HS3ST5: variants seen among roughly 807,000 people sequenced by gnomAD.
The protein encoded by HS3ST5 is heparan sulfate-glucosamine 3-sulfotransferase 5.
HS3ST5 carries 10 observed loss-of-function variants against 25.4 expected under a neutral mutation model. The ratio of observed to expected loss-of-function variants is 0.39; its 90% CI spans 0.24 to 0.67. The LOEUF is 0.67. Among genes scored for constraint, HS3ST5 ranks in the 30% least tolerant of loss-of-function variants. The pLI is 0.44. For synonymous variants in HS3ST5, 170 were observed against 162.4 expected, an observed-to-expected ratio of 1.05 and a Z score of -0.36; for missense variants, 324 against 420.7, an observed-to-expected ratio of 0.77 and a Z score of 2.01.
At chr6:114,102,059 G>A (rs1023955149) in intron 3 of HS3ST5, among the ~76,000 whole-genome samples, 86 of 152,226 alleles carry the variant, frequency 5.6e-4, no homozygotes, top group African/African-American at 1.9e-3. Flanking sequence ...GAGGGTGAAG[G>A]ATGGGAGAAG....
intron 1 of HS3ST5, among the ~76,000 whole-genome samples, chr6:114,234,066 G>A (rs936008340): frequency 6.6e-6 from 1 of 152,052 alleles, no homozygotes; most frequent in Non-Finnish European, 1.5e-5. Flanking sequence ...GGCAGAATTG[G>A]GATTGAAGAG....
At chr6:114,314,162 A>C (rs1775656863) in intron 1 of HS3ST5, among the ~76,000 whole-genome samples, 1 of 152,170 alleles carries the variant, frequency 6.6e-6, no homozygotes, top group Non-Finnish European at 1.5e-5. Context: ...TCCTGGCCTC[A>C]AGTGATCCAC....
At chr6:114,132,014 A>T (rs1348080559) in intron 3 of HS3ST5, 1 of 152,138 alleles carries the variant, frequency 6.6e-6, no homozygotes, top group Non-Finnish European at 1.5e-5. Flanking sequence ...TTGTTATCTT[A>T]TTTGCACCCT....
intron 3 of HS3ST5, among the ~76,000 whole-genome samples, chr6:114,123,435 T>C (rs1339780474): frequency 2.6e-5 from 4 of 152,140 alleles, no homozygotes; most frequent in Admixed American, 2.6e-4. Flanking sequence ...GACTAAAAAC[T>C]GAACAAAGTA....
chr6:114,093,572 A>G (rs1451200821), intron 3 of HS3ST5, among the ~76,000 whole-genome samples: 2 of 151,542 alleles, frequency 1.3e-5, no homozygotes, highest in Non-Finnish European at 2.9e-5. Flanking sequence ...TTGCCTTCTG[A>G]GTTCTGTTAT....
At chr6:114,148,068 C>T (rs1049219343) in intron 3 of HS3ST5, among the ~76,000 whole-genome samples, 21 of 152,238 alleles carry the variant, frequency 1.4e-4, no homozygotes, top group Admixed American at 6.5e-5. Flanking sequence ...TTTTTCTAGA[C>T]ATTATAAATT....
intron 3 of HS3ST5, among the ~76,000 whole-genome samples, chr6:114,069,514 GA>G (rs1449670582): frequency 6.8e-6 from 1 of 146,038 alleles, no homozygotes; most frequent in African/African-American, 2.5e-5. Flanking sequence ...TTACATGGGA[GA>G]ATTTTTTTTT....
At chr6:114,243,240 G>A (rs1772223687) in intron 1 of HS3ST5, among the ~76,000 whole-genome samples, 1 of 152,170 alleles carries the variant, frequency 6.6e-6, no homozygotes, top group Non-Finnish European at 1.5e-5. Flanking sequence ...GCATATTATT[G>A]TATGTTGCGG....
At chr6:114,061,173 TG>T (rs1354117270) in intron 4 of HS3ST5, among the ~76,000 whole-genome samples, 1 of 152,238 alleles carries the variant, frequency 6.6e-6, no homozygotes, top group African/African-American at 2.4e-5. Flanking sequence ...AATGCATTAG[TG>T]ATCATTAGAT....
At chr6:114,216,489 A>G (rs1482076955) in intron 2 of HS3ST5, among the ~76,000 whole-genome samples, 1 of 152,176 alleles carries the variant, frequency 6.6e-6, no homozygotes, top group Non-Finnish European at 1.5e-5. Context: ...TAAAAGAACA[A>G]TTCCACTCAT....
chr6:114,104,885 T>C (rs927025282), intron 3 of HS3ST5, among the ~76,000 whole-genome samples: 3 of 152,308 alleles, frequency 2.0e-5, no homozygotes, highest in African/African-American at 4.8e-5. Context: ...ACTTAAAACT[T>C]TGACAGATTT....
At chr6:114,153,363 A>G (rs999157717) in intron 3 of HS3ST5, among the ~76,000 whole-genome samples, 10 of 152,070 alleles carry the variant, frequency 6.6e-5, no homozygotes, top group Admixed American at 3.9e-4. Context: ...AAATATTTAC[A>G]TGTTCTATTG....
rs118175414 is a variant in HS3ST5 at position 114,194,077 on chromosome 6, A to G, written c.-144-25615T>C. On this transcript the variant is annotated intron_variant, in intron 2 of 4. Coordinates refer to ENST00000312719, the MANE Select transcript of HS3ST5 (RefSeq NM_153612.4). ...GTATTCATCAAGATACATGAAGTTT[A>G]TCTTTTGAAGAGAAGAGAATCATAT... Among the ~76,000 whole-genome samples, 55 of 152,238 alleles carry G rather than the reference A, an allele frequency of 3.6e-4. No individual in the cohort carries two copies. The East Asian group carries it at 9.5e-3, about 26-fold the overall frequency.
intron 1 of HS3ST5, among the ~76,000 whole-genome samples, chr6:114,283,654 T>C (rs1361479766): frequency 6.6e-6 from 1 of 151,806 alleles, no homozygotes; most frequent in East Asian, 2.0e-4. Flanking sequence ...CTTCCATTCC[T>C]ACACAGTGAA....
chr6:114,174,549 T>C lies in HS3ST5; in HGVS notation c.-144-6087A>G, dbSNP rs149383470. Among the ~76,000 whole-genome samples, 296 of 152,302 alleles carry C rather than the reference T, an allele frequency of 1.9e-3. 1 individual carries two copies. Among genetic ancestry groups the C allele is most frequent in the African/African-American group, 7.0e-3 (289 of 41,572 alleles). On this transcript the variant is annotated intron_variant, in intron 2 of 4. Transcript: ENST00000312719. Reference sequence around the variant, plus strand: ...TGTGTTTCTTTTTTCTTTTTGGCAATAATACAAACTGTCAAATATAACCAC... The same window carrying C: ...TGTGTTTCTTTTTTCTTTTTGGCAACAATACAAACTGTCAAATATAACCAC...
chr6:114,191,218 G>C (rs1780486173), intron 2 of HS3ST5, among the ~76,000 whole-genome samples: 2 of 152,122 alleles, frequency 1.3e-5, no homozygotes, highest in South Asian at 4.1e-4. Context: ...CCACGTATGT[G>C]TGTGCTCTCT....
intron 1 of HS3ST5, among the ~76,000 whole-genome samples, chr6:114,284,387 T>A (rs528055473): frequency 2.5e-4 from 38 of 152,136 alleles, no homozygotes; most frequent in Middle Eastern, 3.4e-3. Flanking sequence ...TTGTGTGAGT[T>A]CCTTTTCATG....
intron 1 of HS3ST5, among the ~76,000 whole-genome samples, chr6:114,310,542 G>C (rs375239652): frequency 6.7e-6 from 1 of 149,968 alleles, no homozygotes; most frequent in East Asian, 1.9e-4. Flanking sequence ...TTTTTTTCCT[G>C]CTAGGAACCT....
intron 1 of HS3ST5, among the ~76,000 whole-genome samples, chr6:114,322,695 T>C (rs1271114551): frequency 6.6e-6 from 1 of 152,138 alleles, no homozygotes; most frequent in Non-Finnish European, 1.5e-5. Context: ...TAAGAGCTTA[T>C]TTCCTTTCTT....
Sources: allele counts gnomAD v4.1 joint callset (sites outside exome capture counted in the v4.1 genomes callset), GRCh38; gene constraint gnomAD v4.1.1; transcripts MANE v1.5; gene names NCBI Gene and HGNC (gene_info 2026-07-23, HGNC 2026-07-21).